Variants in ZFP64 observed in about 807,000 individuals in gnomAD.
The protein encoded by ZFP64 is ZFP64 zinc finger protein, also known as zinc finger protein 64.
Under a neutral mutation model 51.6 loss-of-function variants are expected in ZFP64, and 14 were observed. The ratio of observed to expected loss-of-function variants is 0.27; its 90% CI spans 0.18 to 0.42. ZFP64 has a LOEUF of 0.42. Among genes scored for constraint, ZFP64 ranks in the 10% least tolerant of loss-of-function variants. ZFP64 has a pLI of 1.00. For missense variants in ZFP64, 754 were observed against 906.8 expected, an observed-to-expected ratio of 0.83 and a Z score of 2.16; for synonymous variants, 375 against 361.4, an observed-to-expected ratio of 1.04 and a Z score of -0.43.
chr20:52,169,147 G>A (rs1207020092), intron 2 of ZFP64, among the ~76,000 whole-genome samples: 1 of 152,206 alleles, frequency 6.6e-6, no homozygotes, highest in Non-Finnish European at 1.5e-5. Flanking sequence ...CACTTCATAA[G>A]GGTGTTGCAA....
chr20:52,110,810 A>G, intron 5 of ZFP64: 2 of 1,596,706 alleles, frequency 1.3e-6, no homozygotes, highest in East Asian at 2.2e-5. Context: ...AGCAGCTTGT[A>G]TTTCTCACTC....
chr20:52,146,289 T>C (rs1368599115), downstream of ZFP64, among the ~76,000 whole-genome samples: 3 of 152,200 alleles, frequency 2.0e-5, no homozygotes, highest in African/African-American at 7.2e-5. Context: ...CATATGTTTA[T>C]TGCGGCACTA....
At chr20:52,173,109 C>T (rs553881977) in intron 2 of ZFP64, among the ~76,000 whole-genome samples, 1 of 152,236 alleles carries the variant, frequency 6.6e-6, no homozygotes, top group East Asian at 1.9e-4. Flanking sequence ...TACCAAATTG[C>T]CTTTCAGACA....
chr20:52,183,818 C>A (rs565812168), intron 2 of ZFP64, among the ~76,000 whole-genome samples: 1 of 152,174 alleles, frequency 6.6e-6, no homozygotes, highest in African/African-American at 2.4e-5. Flanking sequence ...AAAATTCAAA[C>A]ATCACCCTAG....
chr20:52,093,203 C>T (rs975955322), intron 7 of ZFP64, among the ~76,000 whole-genome samples: 8 of 151,924 alleles, frequency 5.3e-5, no homozygotes, highest in South Asian at 2.1e-4. Flanking sequence ...TGCAGTGGCA[C>T]GATTTTGGTT....
At position 52,184,151 on chromosome 20, in the gene ZFP64, G is replaced by A. The variant is rs149563562; in HGVS notation, c.286+2681C>T. On this transcript the variant is annotated intron_variant, in intron 2 of 5. Coordinates refer to ENST00000216923, the MANE Select transcript of ZFP64 (RefSeq NM_018197.3). ...GTGAGCCACTGCGCCTGGCCCTGACGTCTGATGCTCCTCACTCTTCAGCTC... is the reference window on the plus strand; with the variant it reads ...GTGAGCCACTGCGCCTGGCCCTGACATCTGATGCTCCTCACTCTTCAGCTC... Among the ~76,000 whole-genome samples the A allele has an allele frequency of 7.2e-4, 110 of 152,130 alleles. 1 individual carries two copies. Among genetic ancestry groups the A allele is most frequent in the Middle Eastern group, 3.4e-3 (1 of 294 alleles).
downstream of ZFP64, among the ~76,000 whole-genome samples, chr20:52,146,460 T>G (rs1384426994): frequency 2.0e-5 from 3 of 151,334 alleles, no homozygotes; most frequent in Non-Finnish European, 2.9e-5. Flanking sequence ...ATCATCATTC[T>G]CAGTAAACTA....
intron 1 of ZFP64, among the ~76,000 whole-genome samples, chr20:52,188,970 C>T (rs990907709): frequency 7.3e-5 from 11 of 151,178 alleles, no homozygotes; most frequent in African/African-American, 2.4e-4. Flanking sequence ...AGCGAGACTC[C>T]GTCTCACATA....
downstream of ZFP64, among the ~76,000 whole-genome samples, chr20:52,149,530 C>G (rs1484221785): frequency 6.6e-6 from 1 of 152,128 alleles, no homozygotes; most frequent in Admixed American, 6.5e-5. Flanking sequence ...AAAACCTTTT[C>G]TATGTTATCT....
chr20:52,101,287 C>T (rs147122373), intron 5 of ZFP64, among the ~76,000 whole-genome samples: 79 of 152,226 alleles, frequency 5.2e-4, no homozygotes, highest in Middle Eastern at 3.4e-3. Flanking sequence ...GTGTAGTTTC[C>T]CAGGCCTTAC....
At chr20:52,088,445 G>C in exon 8 of ZFP64, 2 of 1,614,152 alleles carry the variant, frequency 1.2e-6, no homozygotes, top group Non-Finnish European at 8.5e-7. Flanking sequence ...GCTGGCATAG[G>C]GGCAGAGCTG....
rs185562244 is a variant in ZFP64 at position 52,098,720 on chromosome 20, G to A, written c.764-133C>T. 1.6e-5 allele frequency: 20 copies of A among 1,215,410 alleles called. No individual in the cohort carries two copies. In the Admixed American group the frequency reaches 1.9e-4, roughly 11 times the overall value. The allele number at this position is 1,215,410 out of a possible 1,614,324, so 75.3% of individuals were successfully genotyped here. On this transcript the variant is annotated intron_variant, in intron 5 of 8. Transcript: ENST00000361387. ...AAAATTTAAAAAAAATGAAAGCCATGTGACCAGGCGGGGTGGCTCATGCCT... is the reference window on the plus strand; with the variant it reads ...AAAATTTAAAAAAAATGAAAGCCATATGACCAGGCGGGGTGGCTCATGCCT...
intron 5 of ZFP64, among the ~76,000 whole-genome samples, chr20:52,115,860 G>A (rs1267289448): frequency 1.3e-5 from 2 of 151,866 alleles, no homozygotes; most frequent in Non-Finnish European, 1.5e-5. Context: ...TTTAGATGGA[G>A]TTTTGCTCTT....
intron 5 of ZFP64, chr20:52,117,684 T>C (rs567265977): frequency 1.1e-5 from 5 of 456,704 alleles, no homozygotes; most frequent in African/African-American, 1.0e-4. Flanking sequence ...AACAGTAAGT[T>C]TGAGAAGTGC....
At chr20:52,143,498 T>C (rs376810404) in intron 5 of ZFP64, among the ~76,000 whole-genome samples, 3 of 142,870 alleles carry the variant, frequency 2.1e-5, no homozygotes, top group African/African-American at 7.5e-5. Context: ...CTATAGAGGT[T>C]AGTGCTCTTT....
chr20:52,130,088 T>A (rs1369527823), intron 5 of ZFP64, among the ~76,000 whole-genome samples: 1 of 152,096 alleles, frequency 6.6e-6, no homozygotes, highest in East Asian at 1.9e-4. Context: ...TTTGTTCCAA[T>A]CTCAACTTCT....
chr20:52,190,261 C>T (rs928102776), intron 1 of ZFP64, among the ~76,000 whole-genome samples: 1 of 152,090 alleles, frequency 6.6e-6, no homozygotes, highest in East Asian at 1.9e-4. Flanking sequence ...GCATTGCTGA[C>T]GATTCCTTAA....
intron 5 of ZFP64, among the ~76,000 whole-genome samples, chr20:52,121,912 A>C (rs1250904416): frequency 6.6e-6 from 1 of 152,180 alleles, no homozygotes; most frequent in East Asian, 1.9e-4. Flanking sequence ...CATTCCAAAA[A>C]TCCTAAGGCC....
intron 2 of ZFP64, among the ~76,000 whole-genome samples, chr20:52,183,878 G>T (rs1413667996): frequency 6.6e-6 from 1 of 152,096 alleles, no homozygotes; most frequent in Non-Finnish European, 1.5e-5. Flanking sequence ...TTTTGAAATG[G>T]AATCTCACTC....
Sources: allele counts gnomAD v4.1 joint callset (sites outside exome capture counted in the v4.1 genomes callset), GRCh38; gene constraint gnomAD v4.1.1; transcripts MANE v1.5; gene names NCBI Gene and HGNC (gene_info 2026-07-23, HGNC 2026-07-21).